Variants in MAF observed in about 807,000 individuals in gnomAD.
The protein encoded by MAF is MAF bZIP transcription factor.
MAF carries 10 observed loss-of-function variants against 22.0 expected under a neutral mutation model. The ratio of observed to expected loss-of-function variants is 0.45; its 90% CI spans 0.28 to 0.77. The LOEUF is 0.77. Among genes scored for constraint, MAF ranks in the 30% least tolerant of loss-of-function variants. The probability of loss-of-function intolerance (pLI) is 0.12; values close to 1 mark genes in which losing one functional copy is unlikely to be tolerated. For synonymous variants in MAF, 337 were observed against 255.8 expected (o/e 1.32, Z -3.03); for missense variants, 544 against 548.4 (o/e 0.99, Z 0.08).
chr16:79,493,145 TTTG>T, the MAF span, among the ~76,000 whole-genome samples: 41 of 146,140 alleles, frequency 2.8e-4, no homozygotes, highest in African/African-American at 1.1e-3. Context: ...TTTTTTTTGT[TTTG>T]TTTTGTCTTG....
chr16:79,572,390 G>C, the MAF span, among the ~76,000 whole-genome samples: 86 of 152,226 alleles, frequency 5.6e-4, no homozygotes, highest in African/African-American at 2.0e-3. Context: ...ACTTTTGGCT[G>C]TGACAATGCA....
chr16:79,207,144 C>T, the MAF span, among the ~76,000 whole-genome samples: 3 of 152,124 alleles, frequency 2.0e-5, no homozygotes, highest in Non-Finnish European at 4.4e-5. Flanking sequence ...CATGAGGGCT[C>T]ACCCCCTCAT....
chr16:79,487,963 A>C, the MAF span, among the ~76,000 whole-genome samples: 1 of 152,322 alleles, frequency 6.6e-6, no homozygotes, highest in East Asian at 1.9e-4. Context: ...TTAAGAAACT[A>C]CAAGGAAATT....
At chr16:79,315,476 C>T in the MAF span, among the ~76,000 whole-genome samples, 8 of 152,122 alleles carry the variant, frequency 5.3e-5, no homozygotes, top group Non-Finnish European at 1.0e-4. Context: ...ATGAGAGCAT[C>T]GTTGAGCTGT....
chr16:79,424,226 A>C, the MAF span, among the ~76,000 whole-genome samples: 1 of 152,200 alleles, frequency 6.6e-6, no homozygotes, highest in East Asian at 1.9e-4. Context: ...GGAAAATAAA[A>C]TAATAATGAA....
chr16:79,561,713 GA>G, the MAF span, among the ~76,000 whole-genome samples: 1 of 151,998 alleles, frequency 6.6e-6, no homozygotes, highest in Non-Finnish European at 1.5e-5. Flanking sequence ...AGGAGAAGAA[GA>G]AAAAATGGTC....
the MAF span, among the ~76,000 whole-genome samples, chr16:79,399,813 T>C: frequency 1.3e-5 from 2 of 152,202 alleles, no homozygotes; most frequent in African/African-American, 2.4e-5. Context: ...TTGCCCATGA[T>C]GGTGCCAATG....
the MAF span, among the ~76,000 whole-genome samples, chr16:79,450,328 C>T: frequency 6.6e-6 from 1 of 152,180 alleles, no homozygotes; most frequent in African/African-American, 2.4e-5. Context: ...CGGATGTTAA[C>T]TTGCATCAAC....
chr16:79,310,431 TTTG>T, the MAF span, among the ~76,000 whole-genome samples: 1 of 152,108 alleles, frequency 6.6e-6, no homozygotes, highest in African/African-American at 2.4e-5. Context: ...GAAAAGCCTC[TTTG>T]TAAATACGCT....
the MAF span, among the ~76,000 whole-genome samples, chr16:79,307,471 G>T: frequency 6.6e-6 from 1 of 152,194 alleles, no homozygotes; most frequent in African/African-American, 2.4e-5. Flanking sequence ...ATTGCAGGAC[G>T]CTTGCAGTTC....
chr16:79,203,032 GCTCA>G, the MAF span: 2 of 152,146 alleles, frequency 1.3e-5, no homozygotes, highest in Admixed American at 6.5e-5. Flanking sequence ...GCTTTAAAAT[GCTCA>G]CTAACACCGA....
At chr16:79,227,314 G>A in the MAF span, among the ~76,000 whole-genome samples, 1 of 152,094 alleles carries the variant, frequency 6.6e-6, no homozygotes, top group South Asian at 2.1e-4. Context: ...TTGTGCCACT[G>A]CACTCTAGCC....
chr16:79,524,352 T>A, the MAF span, among the ~76,000 whole-genome samples: 9 of 152,222 alleles, frequency 5.9e-5, no homozygotes, highest in African/African-American at 2.2e-4. Context: ...CCTCTGGGAC[T>A]GGACTTTGAG....
rs772531000 is a variant in MAF at position 79,599,127 on chromosome 16, T to C, written c.776A>G (p.Asp259Gly). 8 of 1,590,376 alleles carry C rather than the reference T, an allele frequency of 5.0e-6. No homozygotes were observed. Among genetic ancestry groups the C allele is most frequent in the Non-Finnish European group, 8.5e-7 (1 of 1,174,888 alleles). Reference protein sequence around the residue: ...HHAAGGLHFDDRFSDEQLVTM... With the variant: ...HHAAGGLHFDGRFSDEQLVTM... ...CACCAGCTGCTCGTCGGAGAAGCGG[T>C]CGTCGAAGTGCAGGCCGCCGGCGGC... is the stretch of plus-strand genomic sequence containing the variant. Residue 259 changes from aspartate (D) to glycine (G), a missense_variant, in exon 1 of 2, where the codon GAC becomes GGC. Asp to Gly is a moderately conservative substitution (Grantham distance 94). Coordinates refer to ENST00000326043, the MANE Select transcript of MAF (RefSeq NM_005360.5).
intron 1 of MAF, among the ~76,000 whole-genome samples, chr16:79,586,959 G>C (rs1265422340): frequency 6.6e-6 from 1 of 152,082 alleles, no homozygotes; most frequent in African/African-American, 2.4e-5. Context: ...CTTTTATTTG[G>C]ATTACCTTAC....
chr16:79,251,017 A>G, the MAF span, among the ~76,000 whole-genome samples: 8 of 152,174 alleles, frequency 5.3e-5, no homozygotes, highest in African/African-American at 1.9e-4. Flanking sequence ...CACCTGCTAC[A>G]TTTTATTAGG....
chr16:79,274,330 C>T, the MAF span, among the ~76,000 whole-genome samples: 1 of 151,578 alleles, frequency 6.6e-6, no homozygotes, highest in African/African-American at 2.4e-5. Flanking sequence ...GATCCATAAA[C>T]CCGTGCTCAC....
chr16:79,550,609 A>G, the MAF span, among the ~76,000 whole-genome samples: 1 of 152,182 alleles, frequency 6.6e-6, no homozygotes, highest in African/African-American at 2.4e-5. Context: ...CACCTGGCAG[A>G]CAGGATCATC....
the MAF span, among the ~76,000 whole-genome samples, chr16:79,467,215 C>T: frequency 2.0e-5 from 3 of 152,128 alleles, no homozygotes; most frequent in Admixed American, 2.0e-4. Context: ...AATTCCAGCT[C>T]AATTTCATTA....
Sources: gnomAD v4.1 joint callset for allele counts (sites outside exome capture counted in the v4.1 genomes callset) on GRCh38, gnomAD v4.1.1 for gene constraint, MANE v1.5 for transcripts, NCBI Gene and HGNC (gene_info 2026-07-23, HGNC 2026-07-21) for gene names.